Variants in SYNDIG1L observed in about 807,000 individuals in gnomAD.
SYNDIG1L encodes the protein synapse differentiation-inducing gene protein 1-like.
Under a neutral mutation model 20.1 loss-of-function variants are expected in SYNDIG1L, and 13 were observed. That is an observed-to-expected ratio of 0.65 (90% CI 0.42 to 1.03). The LOEUF (loss-of-function observed/expected upper bound fraction) is 1.03. Ranked by LOEUF, SYNDIG1L falls within the 50% of genes least tolerant of loss-of-function variation. The probability of loss-of-function intolerance (pLI) is 0.00; values close to 1 mark genes in which losing one functional copy is unlikely to be tolerated. For missense variants in SYNDIG1L, 294 were observed against 305.1 expected (o/e 0.96, Z 0.27); for synonymous variants, 128 against 129.3 (o/e 0.99, Z 0.07).
the SYNDIG1L span, chr14:74,476,250 G>GA: frequency 1.7e-6 from 1 of 599,844 alleles, no homozygotes; most frequent in Non-Finnish European, 3.0e-6. Context: ...GCTGCTGCTG[G>GA]CCTGCTCTCT....
intron 1 of SYNDIG1L, among the ~76,000 whole-genome samples, chr14:74,413,947 C>T (rs368553556): frequency 6.6e-6 from 1 of 152,184 alleles, no homozygotes; most frequent in Non-Finnish European, 1.5e-5. Context: ...GGGGAGTTCG[C>T]GGACGTGATC....
chr14:74,408,885 G>A (rs2086107115), intron 2 of SYNDIG1L, among the ~76,000 whole-genome samples: 1 of 152,060 alleles, frequency 6.6e-6, no homozygotes, highest in African/African-American at 2.4e-5. Context: ...ACAAGAACAA[G>A]TGCTATTGAA....
intron 1 of SYNDIG1L, among the ~76,000 whole-genome samples, chr14:74,415,827 A>G (rs2086170117): frequency 6.6e-6 from 1 of 152,170 alleles, no homozygotes; most frequent in Non-Finnish European, 1.5e-5. Flanking sequence ...GGATAGTGCT[A>G]TCAAAAAGGA....
At chr14:74,435,416 A>G in the SYNDIG1L span, among the ~76,000 whole-genome samples, 1 of 152,204 alleles carries the variant, frequency 6.6e-6, no homozygotes, top group Non-Finnish European at 1.5e-5. Context: ...GATCTTCAAG[A>G]ATCTTCTGTA....
At chr14:74,470,471 T>A in the SYNDIG1L span, among the ~76,000 whole-genome samples, 1 of 152,116 alleles carries the variant, frequency 6.6e-6, no homozygotes, top group East Asian at 1.9e-4. Context: ...GGATACTGAA[T>A]GAATAGGGAC....
At chr14:74,471,367 C>T in the SYNDIG1L span, among the ~76,000 whole-genome samples, 5 of 152,140 alleles carry the variant, frequency 3.3e-5, no homozygotes, top group African/African-American at 2.4e-5. Flanking sequence ...GAGGCTGAAG[C>T]GGGTGGATCA....
the SYNDIG1L span, among the ~76,000 whole-genome samples, chr14:74,462,312 C>T: frequency 2.0e-5 from 3 of 151,286 alleles, no homozygotes; most frequent in Non-Finnish European, 4.4e-5. Flanking sequence ...AGTGAAACTC[C>T]GTCTGTACTA....
the SYNDIG1L span, among the ~76,000 whole-genome samples, chr14:74,440,244 G>T: frequency 2.7e-5 from 4 of 149,926 alleles, no homozygotes; most frequent in African/African-American, 9.8e-5. Context: ...GGCCGGGCGC[G>T]GTGGCTCACA....
At chr14:74,476,873 T>A in the SYNDIG1L span, among the ~76,000 whole-genome samples, 3 of 152,128 alleles carry the variant, frequency 2.0e-5, no homozygotes, top group Non-Finnish European at 2.9e-5. Context: ...TGAATCGGAT[T>A]CAGTTTAGAA....
the SYNDIG1L span, among the ~76,000 whole-genome samples, chr14:74,446,483 G>A: frequency 3.3e-5 from 5 of 152,152 alleles, no homozygotes; most frequent in Admixed American, 2.0e-4. Flanking sequence ...GAGACAAATG[G>A]ACTATACAAA....
intron 1 of SYNDIG1L, among the ~76,000 whole-genome samples, chr14:74,412,561 G>C (rs1346486252): frequency 6.6e-6 from 1 of 152,168 alleles, no homozygotes; most frequent in Non-Finnish European, 1.5e-5. Flanking sequence ...GTGAAGTCTT[G>C]TTGTCCTCTG....
rs2086092150 is a variant in SYNDIG1L, at chr14:74,407,462, T to C, written c.*73A>G. The C allele has an allele frequency of 5.0e-6, 8 of 1,596,388 alleles. No homozygotes were observed. Among genetic ancestry groups the C allele is most frequent in the Non-Finnish European group, 6.8e-6 (8 of 1,173,580 alleles). On this transcript the variant is annotated 3_prime_UTR_variant, in exon 4 of 4. Transcript: ENST00000331628. ...CATCTTCAGGGGCCGGGCCTTTCCA[T>C]AGGGTCTGCAACTCCAAGCCCCACT...
chr14:74,409,885 G>C, intron 1 of SYNDIG1L, 84 bp from the exon 2 acceptor site: 1 of 1,114,356 alleles, frequency 9.0e-7, no homozygotes, highest in Middle Eastern at 3.3e-4. Flanking sequence ...GGGTCCTGCA[G>C]TCTGACTTGG....
Position 74,407,664 on chromosome 14 carries a change from G to C in SYNDIG1L, c.588C>G (p.Phe196Leu). Residue 196 changes from phenylalanine to leucine, a missense_variant, in exon 4 of 4, where the codon TTC (phenylalanine) becomes TTG (leucine). Coordinates refer to ENST00000331628, the MANE Select transcript of SYNDIG1L (RefSeq NM_001105579.2). ...GGCGGGAGGTGGTGCTGGCCAGGCG[G>C]AAGTCCCCTTTGGAGATGGCCTTGC... Reference protein sequence around the residue: ...GTSKAISKGDFRLASTTSRRA... With the variant: ...GTSKAISKGDLRLASTTSRRA... The C allele has an allele frequency of 1.2e-6, 2 of 1,612,004 alleles. No individual in the cohort carries two copies. The highest frequency in any genetic ancestry group is 1.1e-5 in the South Asian group (1 of 90,638).
chr14:74,436,227 A>ATTT, the SYNDIG1L span, among the ~76,000 whole-genome samples: 1 of 138,376 alleles, frequency 7.2e-6, no homozygotes, highest in African/African-American at 2.7e-5. Context: ...TACCCCACTC[A>ATTT]TTTTTTTTTT....
At chr14:74,436,114 G>A in the SYNDIG1L span, among the ~76,000 whole-genome samples, 1 of 152,088 alleles carries the variant, frequency 6.6e-6, no homozygotes, top group Non-Finnish European at 1.5e-5. Context: ...GATGATTTTA[G>A]CTGTGGAATA....
the SYNDIG1L span, among the ~76,000 whole-genome samples, chr14:74,455,229 T>C: frequency 6.6e-6 from 1 of 152,174 alleles, no homozygotes. Flanking sequence ...ACTTGTGCTC[T>C]GCCTAGAAGG....
chr14:74,456,809 G>C, the SYNDIG1L span, among the ~76,000 whole-genome samples: 1 of 151,986 alleles, frequency 6.6e-6, no homozygotes, highest in East Asian at 1.9e-4. Flanking sequence ...CTTGGCTCTC[G>C]GCGGCAGGAT....
At chr14:74,465,294 C>A in the SYNDIG1L span, among the ~76,000 whole-genome samples, 1 of 152,216 alleles carries the variant, frequency 6.6e-6, no homozygotes, top group African/African-American at 2.4e-5. Flanking sequence ...TTGAGACCCA[C>A]TTGATTCAGA....
Sources: allele counts gnomAD v4.1 joint callset (sites outside exome capture counted in the v4.1 genomes callset), GRCh38; gene constraint gnomAD v4.1.1; transcripts MANE v1.5; gene names NCBI Gene and HGNC (gene_info 2026-07-23, HGNC 2026-07-21).